Variants in CDH18 observed in about 807,000 individuals in gnomAD.
CDH18 encodes cadherin 18.
A neutral mutation model predicts 67.9 loss-of-function variants in CDH18; 31 were observed. That is an observed-to-expected ratio of 0.46 (90% confidence interval 0.34 to 0.62). The LOEUF (loss-of-function observed/expected upper bound fraction) is 0.62, where lower values mean the gene tolerates loss of function less well. Ranked by LOEUF, CDH18 falls within the 20% of genes least tolerant of loss-of-function variation. The pLI is 0.01. For synonymous variants in CDH18, 362 were observed against 347.2 expected, an observed-to-expected ratio of 1.04 and a Z score of -0.48; for missense variants, 890 against 975.5, an observed-to-expected ratio of 0.91 and a Z score of 1.17.
At chr5:20,181,598 T>G (rs1737690675) in intron 2 of CDH18, among the ~76,000 whole-genome samples, 1 of 152,054 alleles carries the variant, frequency 6.6e-6, no homozygotes, top group Admixed American at 6.6e-5. Context: ...CTGAATTTAG[T>G]GAGGTTTGAT....
At chr5:20,564,954 C>A (rs1758416685) in intron 1 of CDH18, among the ~76,000 whole-genome samples, 1 of 152,196 alleles carries the variant, frequency 6.6e-6, no homozygotes, top group South Asian at 2.1e-4. Flanking sequence ...CATAATCAGT[C>A]ACTTTGGGAG....
intron 4 of CDH18, among the ~76,000 whole-genome samples, chr5:19,735,799 T>C (rs368275318): frequency 6.6e-6 from 1 of 152,166 alleles, no homozygotes; most frequent in South Asian, 2.1e-4. Context: ...GAACATTGTC[T>C]TGCCTGCCTT....
At chr5:19,971,347 A>C (rs991356907) in intron 2 of CDH18, among the ~76,000 whole-genome samples, 4 of 152,068 alleles carry the variant, frequency 2.6e-5, no homozygotes, top group Admixed American at 6.6e-5. Context: ...GGATGAATTC[A>C]CATACATCAC....
rs145238848 is a variant in CDH18 at position 19,868,569 on chromosome 5, C to T, written c.-256-29327G>A. ...AATTATAGTTTGACTCAGACTCAAA[C>T]GTACCACTTTGTGGAAAATATGTAT... On this transcript the variant is annotated intron_variant, in intron 2 of 12. Coordinates refer to ENST00000382275, the MANE Select transcript of CDH18 (RefSeq NM_004934.5). 9.3e-3 allele frequency among the ~76,000 whole-genome samples: 1,414 copies of T among 152,274 alleles called. 9 individuals carry two copies. The highest frequency in any genetic ancestry group is 0.037 in the Middle Eastern group (11 of 294).
intron 1 of CDH18, among the ~76,000 whole-genome samples, chr5:20,355,320 T>C (rs1741525736): frequency 6.6e-6 from 1 of 152,234 alleles, no homozygotes; most frequent in Non-Finnish European, 1.5e-5. Context: ...ATGCCCTTGA[T>C]CATTTTGTTT....
intron 3 of CDH18, among the ~76,000 whole-genome samples, chr5:19,834,213 G>A (rs1023650681): frequency 6.7e-6 from 1 of 149,302 alleles, no homozygotes; most frequent in African/African-American, 2.5e-5. Flanking sequence ...ACTTGTTTTT[G>A]GTCTATTCAG....
At chr5:20,060,663 T>G (rs1742389901) in intron 2 of CDH18, among the ~76,000 whole-genome samples, 1 of 152,074 alleles carries the variant, frequency 6.6e-6, no homozygotes, top group Admixed American at 6.6e-5. Flanking sequence ...GGCAATAGTT[T>G]AAAAAATATT....
intron 1 of CDH18, among the ~76,000 whole-genome samples, chr5:20,549,711 C>T (rs1757530564): frequency 6.6e-6 from 1 of 152,010 alleles, no homozygotes; most frequent in Admixed American, 6.6e-5. Flanking sequence ...ATGAAATGTA[C>T]TGAAATAAAC....
Position 20,426,217 on chromosome 5 carries a change from A to G in CDH18, c.-580+149245T>C, listed in dbSNP as rs572365179. 5.3e-5 allele frequency among the ~76,000 whole-genome samples: 8 copies of G among 151,264 alleles called. No individual in the cohort carries two copies. In the South Asian group the frequency reaches 1.5e-3, roughly 27 times the overall value. On this transcript the variant is annotated intron_variant, in intron 1 of 14. Coordinates refer to the CDH18 transcript ENST00000507958. ...CAGGATATTAATAGACCAGAATAAT[A>G]TTCTTAATGGAAATTACATAAGATA...
intron 1 of CDH18, among the ~76,000 whole-genome samples, chr5:20,273,763 A>G (rs1217161994): frequency 6.6e-6 from 1 of 152,124 alleles, no homozygotes; most frequent in East Asian, 1.9e-4. Flanking sequence ...TATGACACTC[A>G]CCCAAACATG....
chr5:19,885,805 G>T (rs964118280), intron 2 of CDH18, among the ~76,000 whole-genome samples: 1 of 152,146 alleles, frequency 6.6e-6, no homozygotes, highest in Non-Finnish European at 1.5e-5. Flanking sequence ...AACAACAGAT[G>T]ACATGCTAAT....
At chr5:20,076,260 T>C (rs752387698) in intron 2 of CDH18, among the ~76,000 whole-genome samples, 36 of 151,992 alleles carry the variant, frequency 2.4e-4, no homozygotes, top group Non-Finnish European at 4.9e-4. Context: ...AACTTGTGCA[T>C]CAGAATTTGT....
chr5:20,152,308 T>C (rs972767791), intron 2 of CDH18, among the ~76,000 whole-genome samples: 1 of 148,492 alleles, frequency 6.7e-6, no homozygotes, highest in African/African-American at 2.5e-5. Context: ...TGAAAACAAA[T>C]TAAAACACTA....
intron 2 of CDH18, among the ~76,000 whole-genome samples, chr5:20,038,768 C>T (rs1041247804): frequency 6.6e-6 from 1 of 152,124 alleles, no homozygotes; most frequent in Non-Finnish European, 1.5e-5. Context: ...GAAACATTCC[C>T]TGTGAAAACC....
chr5:20,375,565 ATTCT>A (rs1258096629), intron 1 of CDH18, among the ~76,000 whole-genome samples: 1 of 152,204 alleles, frequency 6.6e-6, no homozygotes, highest in Non-Finnish European at 1.5e-5. Flanking sequence ...GTGCATAAAT[ATTCT>A]TTATAAATAG....
At chr5:20,079,045 T>C (rs1325073856) in intron 2 of CDH18, among the ~76,000 whole-genome samples, 1 of 152,226 alleles carries the variant, frequency 6.6e-6, no homozygotes, top group Non-Finnish European at 1.5e-5. Flanking sequence ...TATATCCATC[T>C]CTTCAAATAT....
At chr5:20,518,424 A>G (rs746364562) in intron 1 of CDH18, among the ~76,000 whole-genome samples, 24 of 152,134 alleles carry the variant, frequency 1.6e-4, no homozygotes, top group Non-Finnish European at 2.8e-4. Flanking sequence ...TCATCTCCCA[A>G]GTATGATTAT....
intron 2 of CDH18, among the ~76,000 whole-genome samples, chr5:20,236,524 G>T (rs959562041): frequency 1.3e-4 from 19 of 151,790 alleles, no homozygotes; most frequent in African/African-American, 4.3e-4. Context: ...CATCACTGAA[G>T]TTATTAAAAG....
At chr5:19,713,376 C>T (rs901762805) in intron 5 of CDH18, among the ~76,000 whole-genome samples, 5 of 152,012 alleles carry the variant, frequency 3.3e-5, no homozygotes. Flanking sequence ...AATTGGTTTC[C>T]TTACTCTGTT....
Sources: gnomAD v4.1 joint callset for allele counts (sites outside exome capture counted in the v4.1 genomes callset) on GRCh38, gnomAD v4.1.1 for gene constraint, MANE v1.5 for transcripts, NCBI Gene and HGNC (gene_info 2026-07-23, HGNC 2026-07-21) for gene names.